PRDM16: variants seen among roughly 807,000 people sequenced by gnomAD.
The protein encoded by PRDM16 is PR/SET domain 16.
A neutral mutation model predicts 110.6 loss-of-function variants in PRDM16; 23 were observed. The observed-to-expected ratio is 0.21, with a 90% CI of 0.15 to 0.29. PRDM16 has a LOEUF of 0.29. Among genes scored for constraint, PRDM16 ranks in the 10% least tolerant of loss-of-function variants. The pLI is 1.00. For synonymous variants in PRDM16, 799 were observed against 781.8 expected, an observed-to-expected ratio of 1.02 and a Z score of -0.37; for missense variants, 1,615 against 1,794.3, an observed-to-expected ratio of 0.90 and a Z score of 1.81.
At chr1:3,301,488 C>G (rs1398357768) in intron 3 of PRDM16, among the ~76,000 whole-genome samples, 1 of 151,984 alleles carries the variant, frequency 6.6e-6, no homozygotes, top group Non-Finnish European at 1.5e-5. Flanking sequence ...TTAAGTGACT[C>G]CTTTATTAAA....
rs1047514305 is a variant in PRDM16 at position 3,390,252 on chromosome 1, G to A, written c.573+4966G>A. On this transcript the variant is annotated intron_variant, in intron 4 of 16. Coordinates refer to ENST00000270722, the MANE Select transcript of PRDM16 (RefSeq NM_022114.4). This position sits in a 1 kb window ranked among gnomAD's most constrained non-coding sequence, Gnocchi z 5.0. ...TTGCCTCAATAGGGCAAGAATGTTG[G>A]TGGTGGGATGTCAACTGTCTAGTGG... Among the ~76,000 whole-genome samples the A allele has an allele frequency of 6.6e-6, 1 of 152,170 alleles. No individual in the cohort carries two copies. The highest frequency in any genetic ancestry group is 2.4e-5 in the African/African-American group (1 of 41,432).
intron 12 of PRDM16, among the ~76,000 whole-genome samples, chr1:3,420,145 CTG>C (rs779052521): frequency 6.6e-6 from 1 of 152,186 alleles, no homozygotes; most frequent in African/African-American, 2.4e-5. Flanking sequence ...TCTCTCCAAT[CTG>C]TGAGTTTCGA....
At chr1:3,095,078 G>C (rs553281712) in intron 1 of PRDM16, among the ~76,000 whole-genome samples, 5 of 152,222 alleles carry the variant, frequency 3.3e-5, no homozygotes, top group African/African-American at 1.2e-4. Context: ...TTGTCCTGAC[G>C]GGGCACTGGC....
intron 3 of PRDM16, among the ~76,000 whole-genome samples, chr1:3,321,709 G>T (rs767203181): frequency 2.7e-5 from 4 of 150,766 alleles, no homozygotes; most frequent in Non-Finnish European, 5.9e-5. Context: ...GCTTTGTGTG[G>T]GTGTACATGT....
At chr1:3,253,188 TTTTAA>T (rs761426804) in intron 3 of PRDM16, among the ~76,000 whole-genome samples, 10 of 152,076 alleles carry the variant, frequency 6.6e-5, no homozygotes, top group East Asian at 1.9e-4. Context: ...ACACTCTTTT[TTTTAA>T]TTTAATTTAA....
At position 3,194,872 on chromosome 1, in the gene PRDM16, G is replaced by A. The variant is rs149541566; in HGVS notation, c.387+8398G>A. Among the ~76,000 whole-genome samples, 878 of 152,286 alleles carry A rather than the reference G, an allele frequency of 5.8e-3. 3 individuals carry two copies. Among genetic ancestry groups the A allele is most frequent in the South Asian group, 0.019 (93 of 4,824 alleles). ...GCTCCACTGCCCACACCACCCCCAC[G>A]GTTGAGTGGGCTCGGCCCCGGGACG... On this transcript the variant is annotated intron_variant, in intron 2 of 16. Coordinates refer to ENST00000270722, the MANE Select transcript of PRDM16 (RefSeq NM_022114.4).
At chr1:3,181,931 T>G (rs1374939297) in intron 1 of PRDM16, among the ~76,000 whole-genome samples, 2 of 151,482 alleles carry the variant, frequency 1.3e-5, no homozygotes, top group Non-Finnish European at 2.9e-5. Context: ...CACATGGTCT[T>G]ACACATGCTT....
chr1:3,229,016 T>G (rs1639351271), intron 2 of PRDM16, among the ~76,000 whole-genome samples: 1 of 152,232 alleles, frequency 6.6e-6, no homozygotes, highest in Admixed American at 6.5e-5. Flanking sequence ...TGAGACTATT[T>G]CTGTAGCTCT....
intron 1 of PRDM16, among the ~76,000 whole-genome samples, chr1:3,130,602 T>C (rs1023954199): frequency 2.6e-5 from 4 of 152,176 alleles, no homozygotes; most frequent in African/African-American, 9.7e-5. Flanking sequence ...GGAGGGCTGA[T>C]GCTTCATGCG....
chr1:3,139,749 T>C (rs1180789159), intron 1 of PRDM16, among the ~76,000 whole-genome samples: 1 of 152,234 alleles, frequency 6.6e-6, no homozygotes, highest in African/African-American at 2.4e-5. Context: ...CACCTGACCC[T>C]GGTCCTGTTA....
At chr1:3,116,003 G>A (rs535529860) in intron 1 of PRDM16, among the ~76,000 whole-genome samples, 7 of 152,050 alleles carry the variant, frequency 4.6e-5, no homozygotes, top group African/African-American at 1.4e-4. Context: ...CCCTCCCAGC[G>A]TCTGCAGCTC....
In PRDM16 at chr1:3,144,086, T is replaced by C. The variant is rs548879877; in HGVS notation, c.38-42039T>C. On this transcript the variant is annotated intron_variant, in intron 1 of 16. Coordinates refer to ENST00000270722, the MANE Select transcript of PRDM16 (RefSeq NM_022114.4). The stretch of plus-strand genomic sequence containing the variant: ...GCCCCCTCCCATGACTCTACAGGCC[T>C]GTGCAGACCCCAGCTTGGGGCGGAG... Among the ~76,000 whole-genome samples the C allele has an allele frequency of 1.6e-4, 25 of 152,306 alleles. No homozygotes were observed. In the South Asian group the frequency reaches 4.4e-3, roughly 27 times the overall value.
chr1:3,287,754 A>G (rs1468166496), intron 3 of PRDM16, among the ~76,000 whole-genome samples: 1 of 139,762 alleles, frequency 7.2e-6, no homozygotes, highest in Non-Finnish European at 1.5e-5. Context: ...TGCCCCTGCC[A>G]TGCGGGCATC....
chr1:3,401,536 A>C (rs760338501), intron 5 of PRDM16, among the ~76,000 whole-genome samples: 4 of 146,184 alleles, frequency 2.7e-5, no homozygotes, highest in Non-Finnish European at 6.1e-5. Flanking sequence ...ACACACATTC[A>C]TATACAAGCA....
intron 12 of PRDM16, among the ~76,000 whole-genome samples, chr1:3,424,064 C>T (rs367563967): frequency 9.2e-5 from 14 of 152,206 alleles, no homozygotes; most frequent in Non-Finnish European, 1.6e-4. Flanking sequence ...CCTTCACCGT[C>T]GCCCAGCCCA....
intron 3 of PRDM16, among the ~76,000 whole-genome samples, chr1:3,325,368 A>G (rs1286624822): frequency 6.6e-6 from 1 of 152,150 alleles, no homozygotes; most frequent in Non-Finnish European, 1.5e-5. Context: ...TCTCTGGGAG[A>G]TGAACGCAGG....
chr1:3,122,803 T>C (rs913925818), intron 1 of PRDM16, among the ~76,000 whole-genome samples: 1 of 152,196 alleles, frequency 6.6e-6, no homozygotes, highest in Non-Finnish European at 1.5e-5. Context: ...TTTTATTTTA[T>C]TTCTACTTTG....
At chr1:3,131,661 T>G (rs1025375775) in intron 1 of PRDM16, among the ~76,000 whole-genome samples, 1 of 152,232 alleles carries the variant, frequency 6.6e-6, no homozygotes, top group Non-Finnish European at 1.5e-5. Context: ...AAGCGAGGGT[T>G]GGTCACGCCT....
chr1:3,266,401 C>G (rs1171668584), intron 3 of PRDM16, among the ~76,000 whole-genome samples: 1 of 152,194 alleles, frequency 6.6e-6, no homozygotes, highest in East Asian at 1.9e-4. Context: ...GAGAGCCCCT[C>G]GCACTTACCT....
Sources: allele counts gnomAD v4.1 joint callset (sites outside exome capture counted in the v4.1 genomes callset), GRCh38; gene constraint gnomAD v4.1.1; non-coding constraint Gnocchi (gnomAD v3.1); transcripts MANE v1.5; gene names NCBI Gene and HGNC (gene_info 2026-07-23, HGNC 2026-07-21).